The following CDCP1 variants were observed in gnomAD, a reference collection of about 807,000 sequenced individuals.
CDCP1 encodes CUB domain containing protein 1, also known as CUB domain-containing protein 1.
CDCP1 carries 29 observed loss-of-function variants against 60.2 expected under a neutral mutation model. The observed-to-expected ratio is 0.48, with a 90% CI of 0.36 to 0.66. The LOEUF is 0.66. Among genes scored for constraint, CDCP1 ranks in the 30% least tolerant of loss-of-function variants. The pLI, the probability that CDCP1 is intolerant of heterozygous loss-of-function variation, is 0.00. For synonymous variants in CDCP1, 387 were observed against 431.1 expected, an observed-to-expected ratio of 0.90 and a Z score of 1.27; for missense variants, 876 against 1,074.3, an observed-to-expected ratio of 0.82 and a Z score of 2.58.
intron 4 of CDCP1, among the ~76,000 whole-genome samples, chr3:45,102,905 G>C (rs774113664): frequency 1.3e-5 from 2 of 151,236 alleles, no homozygotes; most frequent in Non-Finnish European, 2.9e-5. Flanking sequence ...AACCAAATAT[G>C]CCTGCCTCGG....
chr3:45,126,116 T>TTCCTTCTC (rs760552870), intron 1 of CDCP1, among the ~76,000 whole-genome samples: 3 of 95,538 alleles, frequency 3.1e-5, no homozygotes, highest in Admixed American at 3.1e-4. Flanking sequence ...CTCTCTTTCT[T>TTCCTTCTC]TCTTTCTTTC....
At chr3:45,116,256 G>T in intron 2 of CDCP1, among the ~76,000 whole-genome samples, 1 of 57,870 alleles carries the variant, frequency 1.7e-5, no homozygotes, top group South Asian at 6.2e-4. Context: ...AAAAAAAAAA[G>T]ACATCTAAAG....
rs949109013 is a variant in CDCP1 at position 45,146,351 on chromosome 3, C to T, written c.-64G>A. On this transcript the variant is annotated 5_prime_UTR_variant, in exon 1 of 9. Transcript: ENST00000296129. Reference sequence around the variant, plus strand: ...GTGGGGAGCGGCGGCCCCAGGCGCCCAAGCCCGGCGCAGCTGCGCTCCGCC... The same window carrying T: ...GTGGGGAGCGGCGGCCCCAGGCGCCTAAGCCCGGCGCAGCTGCGCTCCGCC... 2 of 1,419,682 alleles carry T rather than the reference C, an allele frequency of 1.4e-6. No homozygotes were observed. The highest frequency in any genetic ancestry group is 1.9e-6 in the Non-Finnish European group (2 of 1,060,226). The allele number at this position is 1,419,682 out of a possible 1,614,324, so 87.9% of individuals were successfully genotyped here.
intron 1 of CDCP1, among the ~76,000 whole-genome samples, chr3:45,134,804 T>C (rs1380241509): frequency 6.6e-6 from 1 of 152,010 alleles, no homozygotes; most frequent in African/African-American, 2.4e-5. Flanking sequence ...GCCAGACACA[T>C]GCCTTCCTCA....
At chr3:45,096,117 C>T (rs370802406) in intron 4 of CDCP1, among the ~76,000 whole-genome samples, 4 of 152,214 alleles carry the variant, frequency 2.6e-5, no homozygotes, top group South Asian at 2.1e-4. Flanking sequence ...CTTTGGCACA[C>T]GGCCAGTGGG....
rs761660497 is a variant in CDCP1 at position 45,112,171 on chromosome 3, T to C, written c.567A>G (p.Gln189=). Residue 189 remains glutamine (Q), a synonymous_variant, in exon 3 of 9, where the codon CAA becomes CAG. Coordinates refer to ENST00000296129, the MANE Select transcript of CDCP1 (RefSeq NM_022842.5). ...SNGTVSRIKM[Q]EGVKMALHLP... ...GGTGTAAGGCCATTTTCACTCCTTCTTGCATCTTGATCCGGGACACAGTGC... is the reference window on the plus strand; with the variant it reads ...GGTGTAAGGCCATTTTCACTCCTTCCTGCATCTTGATCCGGGACACAGTGC... 209 of 1,614,084 alleles carry C rather than the reference T, an allele frequency of 1.3e-4. 4 individuals are homozygous for C. The South Asian group carries it at 2.2e-3, about 17-fold the overall frequency.
rs747034363 is a variant in CDCP1 at position 45,091,385 on chromosome 3, C to T, written c.1781G>A (p.Arg594Gln). The T allele has an allele frequency of 3.2e-5, 52 of 1,614,022 alleles. No homozygotes were observed. Among genetic ancestry groups the T allele is most frequent in the East Asian group, 2.4e-4 (11 of 44,898 alleles). ...CCCTGTCTGGCAGACCACGCCGCTCCGCTCCTTAAAGAAAGTCAGGCAGGC... is the reference window on the plus strand; with the variant it reads ...CCCTGTCTGGCAGACCACGCCGCTCTGCTCCTTAAAGAAAGTCAGGCAGGC... ...QVACLTFFKE[R>Q]SGVVCQTGRA... Residue 594 changes from arginine to glutamine, a missense_variant, in exon 7 of 9, where the codon CGG becomes CAG. By Grantham distance (43) the Arg-to-Gln change is conservative (BLOSUM62 1). This residue lies in a region of CDCP1 where 726 missense variants were observed against 935.7 expected (regional missense o/e 0.78). Transcript: ENST00000296129. This position sits in a 1 kb window ranked among gnomAD's most constrained non-coding sequence, Gnocchi z 4.8.
In CDCP1 at chr3:45,110,692, A is replaced by G. The variant is rs1261359936; in HGVS notation, c.805T>C (p.Phe269Leu). ...HLRASVSFLN[F>L]NLSNCERKEE... ...TTCCTCTCACAGTTGGAGAGGTTGAAGTTGAGGAAGGAGACGCTGGCCCGC... is the reference window on the plus strand; with the variant it reads ...TTCCTCTCACAGTTGGAGAGGTTGAGGTTGAGGAAGGAGACGCTGGCCCGC... Residue 269 changes from phenylalanine to leucine, a missense_variant, in exon 4 of 9, where the codon TTC (phenylalanine) becomes CTC (leucine). This residue lies in a region of CDCP1 where 726 missense variants were observed against 935.7 expected (regional missense o/e 0.78). Coordinates refer to ENST00000296129, the MANE Select transcript of CDCP1 (RefSeq NM_022842.5). 6 of 1,614,152 alleles carry G rather than the reference A, an allele frequency of 3.7e-6. No homozygotes were observed. Among genetic ancestry groups the G allele is most frequent in the Non-Finnish European group, 4.2e-6 (5 of 1,180,030 alleles).
In CDCP1 at chr3:45,127,449, T is replaced by C. The variant is rs963223607; in HGVS notation, c.83-8828A>G. ...CAGCCATGATTCTAGAACAAAGCAC[T>C]GGGAATGAAAGGCCAGTGCCAAGTT... On this transcript the variant is annotated intron_variant, in intron 1 of 8. Coordinates refer to ENST00000296129, the MANE Select transcript of CDCP1 (RefSeq NM_022842.5). Among the ~76,000 whole-genome samples, 3 of 152,142 alleles carry C rather than the reference T, an allele frequency of 2.0e-5. No individual in the cohort carries two copies. The East Asian group carries it at 5.8e-4, about 29-fold the overall frequency.
At chr3:45,088,360 C>T (rs1248416692) in intron 8 of CDCP1, among the ~76,000 whole-genome samples, 1 of 152,028 alleles carries the variant, frequency 6.6e-6, no homozygotes, top group African/African-American at 2.4e-5. Flanking sequence ...GTGGTGTGTG[C>T]CTGTAGTCCC....
At chr3:45,125,268 T>C (rs541892123) in intron 1 of CDCP1, among the ~76,000 whole-genome samples, 4 of 152,174 alleles carry the variant, frequency 2.6e-5, no homozygotes, top group African/African-American at 9.6e-5. Flanking sequence ...GCTGGAGAAG[T>C]GGGAAAGGGC....
chr3:45,129,150 T>C (rs6803418), intron 1 of CDCP1, among the ~76,000 whole-genome samples: 3,295 of 152,372 alleles, frequency 0.022, 147 homozygotes, highest in African/African-American at 0.075. Context: ...CAAACTCTTC[T>C]GTTGCATTTT....
chr3:45,131,891 G>T (rs1576117792), intron 1 of CDCP1, among the ~76,000 whole-genome samples: 1 of 152,266 alleles, frequency 6.6e-6, no homozygotes, highest in East Asian at 1.9e-4. Context: ...ACTGCTGCGG[G>T]CAGGCCTGTG....
At chr3:45,146,035 A>T (rs965348740) in intron 1 of CDCP1, among the ~76,000 whole-genome samples, 171 bp downstream of exon 1, 1 of 151,914 alleles carries the variant, frequency 6.6e-6, no homozygotes, top group African/African-American at 2.4e-5. Flanking sequence ...GGAACCGAAC[A>T]GTCCGGGGGT....
chr3:45,093,215 A>G, intron 6 of CDCP1, 62 bp downstream of exon 6: 1 of 1,541,380 alleles, frequency 6.5e-7, no homozygotes, highest in Non-Finnish European at 8.7e-7. Flanking sequence ...GGTGATCACA[A>G]AACTAAAATC....
chr3:45,102,490 A>G (rs2125993734), intron 4 of CDCP1, among the ~76,000 whole-genome samples: 1 of 151,886 alleles, frequency 6.6e-6, no homozygotes, highest in South Asian at 2.1e-4. Context: ...ACCTTTCGAT[A>G]TATATCTTCC....
intron 4 of CDCP1, among the ~76,000 whole-genome samples, chr3:45,103,845 G>A (rs1240538568): frequency 6.6e-6 from 1 of 152,202 alleles, no homozygotes; most frequent in Non-Finnish European, 1.5e-5. Context: ...GGACTTTCCA[G>A]TCACCAGAAT....
intron 1 of CDCP1, among the ~76,000 whole-genome samples, chr3:45,140,343 C>G (rs925283569): frequency 1.3e-5 from 2 of 152,238 alleles, no homozygotes; most frequent in African/African-American, 2.4e-5. Flanking sequence ...GCACATTTCT[C>G]CCGGAACCCT....
chr3:45,133,357 G>A (rs1445040494), intron 1 of CDCP1, among the ~76,000 whole-genome samples: 1 of 150,980 alleles, frequency 6.6e-6, no homozygotes, highest in South Asian at 2.1e-4. Context: ...CTACAGAACT[G>A]TGAGCTAACA....
Sources: allele counts gnomAD v4.1 joint callset (sites outside exome capture counted in the v4.1 genomes callset), GRCh38; gene constraint gnomAD v4.1.1; regional missense constraint gnomAD v4.1.1; non-coding constraint Gnocchi (gnomAD v3.1); transcripts MANE v1.5; gene names NCBI Gene and HGNC (gene_info 2026-07-23, HGNC 2026-07-21).